RALYL: variants seen among roughly 807,000 people sequenced by gnomAD.
RALYL encodes RALY RNA binding protein like, also known as RNA-binding Raly-like protein.
Under a neutral mutation model 35.1 loss-of-function variants are expected in RALYL, and 29 were observed. The ratio of observed to expected loss-of-function variants is 0.83; its 90% confidence interval spans 0.61 to 1.13. The LOEUF (loss-of-function observed/expected upper bound fraction) is 1.13, where lower values mean the gene tolerates loss of function less well. Ranked by LOEUF, RALYL falls within the 50% of genes most tolerant of loss-of-function variation. The pLI, the probability that RALYL is intolerant of heterozygous loss-of-function variation, is 0.00. For synonymous variants in RALYL, 120 were observed against 127.6 expected (o/e 0.94, Z 0.40); for missense variants, 359 against 360.4 (o/e 1.00, Z 0.03).
At chr8:84,250,375 T>G (rs1295392694) in intron 1 of RALYL, among the ~76,000 whole-genome samples, 3 of 151,758 alleles carry the variant, frequency 2.0e-5, no homozygotes, top group African/African-American at 7.3e-5. Flanking sequence ...TTTATTTTTA[T>G]TTTTTTTGAG....
intron 2 of RALYL, among the ~76,000 whole-genome samples, chr8:84,614,864 A>T (rs1819102750): frequency 6.6e-6 from 1 of 150,814 alleles, no homozygotes; most frequent in South Asian, 2.1e-4. Flanking sequence ...TTGAACCCAC[A>T]GAACAGTTTC....
chr8:84,491,212 T>C (rs961521194), intron 1 of RALYL, among the ~76,000 whole-genome samples: 3 of 152,070 alleles, frequency 2.0e-5, no homozygotes, highest in Non-Finnish European at 4.4e-5. Context: ...TCTCTGTCTC[T>C]CTCTATCCCC....
intron 1 of RALYL, among the ~76,000 whole-genome samples, chr8:84,273,359 G>A (rs1027999068): frequency 2.6e-5 from 4 of 152,208 alleles, no homozygotes; most frequent in South Asian, 2.1e-4. Context: ...GGGCCTCTCC[G>A]TAGGGAAGCT....
chr8:84,353,204 T>A (rs557441392), intron 1 of RALYL, among the ~76,000 whole-genome samples: 1 of 150,302 alleles, frequency 6.7e-6, no homozygotes, highest in Admixed American at 6.6e-5. Flanking sequence ...CCGGACTGTT[T>A]CGAGGTGCTG....
intron 1 of RALYL, among the ~76,000 whole-genome samples, chr8:84,218,809 C>T (rs1414538049): frequency 6.6e-6 from 1 of 152,042 alleles, no homozygotes; most frequent in Non-Finnish European, 1.5e-5. Flanking sequence ...AAAAATTGTA[C>T]GATAGTGCCC....
chr8:84,659,404 C>G (rs879934605), intron 2 of RALYL, among the ~76,000 whole-genome samples: 3 of 152,076 alleles, frequency 2.0e-5, no homozygotes, highest in Non-Finnish European at 2.9e-5. Context: ...GTACCCCTCC[C>G]TGGATCAGAC....
chr8:84,757,681 A>G (rs140889017), intron 2 of RALYL, among the ~76,000 whole-genome samples: 2 of 152,184 alleles, frequency 1.3e-5, no homozygotes, highest in African/African-American at 4.8e-5. Flanking sequence ...TGGCTAGTAC[A>G]TATATTTGGT....
intron 1 of RALYL, among the ~76,000 whole-genome samples, chr8:84,454,947 T>C (rs2049962847): frequency 6.6e-6 from 1 of 152,112 alleles, no homozygotes; most frequent in Admixed American, 6.6e-5. Context: ...CTCTTCACAC[T>C]GCAGAAAGAC....
intron 1 of RALYL, among the ~76,000 whole-genome samples, chr8:84,499,835 G>A (rs1418329849): frequency 6.6e-6 from 1 of 152,126 alleles, no homozygotes; most frequent in Non-Finnish European, 1.5e-5. Flanking sequence ...GCTTACTGCA[G>A]CCTCAAACTC....
intron 3 of RALYL, among the ~76,000 whole-genome samples, chr8:84,777,340 A>G (rs1244451111): frequency 1.3e-5 from 2 of 152,194 alleles, no homozygotes; most frequent in African/African-American, 4.8e-5. Context: ...CCAATCATCA[A>G]TACTATTACT....
intron 1 of RALYL, among the ~76,000 whole-genome samples, chr8:84,298,620 G>A (rs1017290784): frequency 7.2e-5 from 11 of 152,038 alleles, no homozygotes; most frequent in Non-Finnish European, 1.2e-4. Context: ...GTTAGGAATA[G>A]CATTGAATCT....
intron 2 of RALYL, among the ~76,000 whole-genome samples, chr8:84,612,242 A>C (rs1460344557): frequency 6.6e-6 from 1 of 151,924 alleles, no homozygotes; most frequent in Non-Finnish European, 1.5e-5. Flanking sequence ...AAAAAATGCT[A>C]TTTGTTAAAA....
chr8:84,445,484 C>T (rs1034662224), intron 1 of RALYL, among the ~76,000 whole-genome samples: 1 of 151,870 alleles, frequency 6.6e-6, no homozygotes, highest in Non-Finnish European at 1.5e-5. Flanking sequence ...TACTTTTAAA[C>T]TTTAGTATTA....
rs1267132091 is a variant in RALYL, at chr8:84,183,409, C to A, written c.-1039C>A. ...GAGTTGGGCTCCGTGGGCTTCCCCC[C>A]TCGCAGCCTCGGTCCTTCCCCGCTG... On this transcript the variant is annotated 5_prime_UTR_variant, in exon 1 of 9. Transcript: ENST00000521268. 3.3e-5 allele frequency: 5 copies of A among 153,468 alleles called. No individual in the cohort carries two copies. The highest frequency in any genetic ancestry group is 1.8e-4 in the South Asian group (1 of 5,614). 9.5% of individuals were successfully genotyped at this position (153,468 alleles called of 1,614,324 possible).
At chr8:84,824,741 C>T (rs1324061702) in intron 4 of RALYL, among the ~76,000 whole-genome samples, 2 of 151,994 alleles carry the variant, frequency 1.3e-5, no homozygotes, top group African/African-American at 4.8e-5. Context: ...TTGACAAAGC[C>T]AACAAAAATA....
At chr8:84,780,092 A>G (rs1401782092) in intron 3 of RALYL, among the ~76,000 whole-genome samples, 2 of 152,178 alleles carry the variant, frequency 1.3e-5, no homozygotes, top group African/African-American at 4.8e-5. Context: ...ATTCCCTTTC[A>G]GAAGCTTAAT....
chr8:84,538,913 G>A (rs901137815), intron 2 of RALYL, among the ~76,000 whole-genome samples: 6 of 152,118 alleles, frequency 3.9e-5, no homozygotes, highest in Admixed American at 3.3e-4. Context: ...TTGGAAATGT[G>A]GATTATAATA....
chr8:84,700,489 G>T (rs1056768868), intron 2 of RALYL, among the ~76,000 whole-genome samples: 2 of 152,054 alleles, frequency 1.3e-5, no homozygotes, highest in African/African-American at 4.8e-5. Flanking sequence ...GTACAGAATT[G>T]ATTTGTTTGC....
chr8:84,377,451 G>GTTTTTTT (rs369746268), intron 1 of RALYL, among the ~76,000 whole-genome samples: 10 of 83,718 alleles, frequency 1.2e-4, no homozygotes, highest in Non-Finnish European at 1.6e-4. Flanking sequence ...AAGGTTAACT[G>GTTTTTTT]TTTTTTTTTT....
Sources: allele counts gnomAD v4.1 joint callset (sites outside exome capture counted in the v4.1 genomes callset), GRCh38; gene constraint gnomAD v4.1.1; transcripts MANE v1.5; gene names NCBI Gene and HGNC (gene_info 2026-07-23, HGNC 2026-07-21).